SORCS3: variants seen among roughly 807,000 people sequenced by gnomAD.
SORCS3 encodes VPS10 domain-containing receptor SorCS3.
SORCS3 carries 57 observed loss-of-function variants against 146.3 expected under a neutral mutation model. The ratio of observed to expected loss-of-function variants is 0.39; its 90% CI spans 0.31 to 0.49. The LOEUF is 0.49. Among genes scored for constraint, SORCS3 ranks in the 20% least tolerant of loss-of-function variants. The probability of loss-of-function intolerance (pLI) is 0.92; values close to 1 mark genes in which losing one functional copy is unlikely to be tolerated. For synonymous variants in SORCS3, 653 were observed against 618.5 expected (o/e 1.06, Z -0.83); for missense variants, 1,341 against 1,575.5 (o/e 0.85, Z 2.52).
chr10:104,810,998 A>C (rs2017734143), intron 1 of SORCS3, among the ~76,000 whole-genome samples: 1 of 152,224 alleles, frequency 6.6e-6, no homozygotes, highest in African/African-American at 2.4e-5. Flanking sequence ...CTGTATGTAA[A>C]TTTAAAAAAC....
At chr10:104,875,953 A>C (rs577104272) in intron 2 of SORCS3, among the ~76,000 whole-genome samples, 14 of 152,332 alleles carry the variant, frequency 9.2e-5, no homozygotes, top group African/African-American at 3.4e-4. Context: ...TTAAAATAAT[A>C]CAGCCAAACA....
intron 21 of SORCS3, among the ~76,000 whole-genome samples, chr10:105,246,183 A>G (rs1435748003): frequency 2.0e-5 from 3 of 152,206 alleles, no homozygotes; most frequent in Non-Finnish European, 4.4e-5. Context: ...AAGAGGGTGA[A>G]TAGGACTACT....
intron 2 of SORCS3, among the ~76,000 whole-genome samples, chr10:104,904,453 A>G (rs899183103): frequency 6.6e-6 from 1 of 152,176 alleles, no homozygotes; most frequent in African/African-American, 2.4e-5. Flanking sequence ...GAAACAAATA[A>G]TGATACATAC....
At chr10:105,140,621 AG>A (rs1472738678) in intron 8 of SORCS3, among the ~76,000 whole-genome samples, 1 of 152,200 alleles carries the variant, frequency 6.6e-6, no homozygotes, top group Non-Finnish European at 1.5e-5. Flanking sequence ...AGAAAAATAA[AG>A]GAGTTAATTC....
intron 9 of SORCS3, among the ~76,000 whole-genome samples, chr10:105,153,888 G>A (rs1445107734): frequency 6.6e-6 from 1 of 151,748 alleles, no homozygotes; most frequent in African/African-American, 2.4e-5. Context: ...GGCCAACATG[G>A]TGAAACCCCA....
intron 5 of SORCS3, among the ~76,000 whole-genome samples, chr10:105,087,376 C>A (rs997631552): frequency 6.6e-6 from 1 of 151,944 alleles, no homozygotes; most frequent in South Asian, 2.1e-4. Flanking sequence ...AACAAACCTG[C>A]GCATTCTGCA....
intron 7 of SORCS3, among the ~76,000 whole-genome samples, chr10:105,107,156 A>G (rs1720833716): frequency 6.6e-6 from 1 of 152,008 alleles, no homozygotes; most frequent in Non-Finnish European, 1.5e-5. Context: ...TTGTGGCACA[A>G]CCCCCTACCA....
chr10:104,677,946 C>G (rs1246271952), intron 1 of SORCS3, among the ~76,000 whole-genome samples: 3 of 152,080 alleles, frequency 2.0e-5, no homozygotes, highest in African/African-American at 7.2e-5. Context: ...CTCCCTTTTG[C>G]AGTGTTTTAA....
chr10:104,922,682 A>G (rs981109093), intron 3 of SORCS3, among the ~76,000 whole-genome samples: 18 of 152,316 alleles, frequency 1.2e-4, no homozygotes, highest in Admixed American at 9.8e-4. Flanking sequence ...GTGTTTTGAA[A>G]TATTTAGGAG....
intron 2 of SORCS3, among the ~76,000 whole-genome samples, chr10:104,894,876 A>G (rs1228740479): frequency 1.3e-5 from 2 of 152,202 alleles, no homozygotes; most frequent in Non-Finnish European, 2.9e-5. Context: ...TGGAATTGAA[A>G]TGGCAACGGT....
intron 7 of SORCS3, among the ~76,000 whole-genome samples, chr10:105,115,853 G>A (rs1001423543): frequency 1.3e-5 from 2 of 152,284 alleles, no homozygotes; most frequent in East Asian, 3.9e-4. Context: ...GTCTTAATGG[G>A]AGAGATTTTG....
chr10:104,751,047 G>A (rs2133468540), intron 1 of SORCS3, among the ~76,000 whole-genome samples: 1 of 152,250 alleles, frequency 6.6e-6, no homozygotes, highest in East Asian at 1.9e-4. Context: ...ATACAAGAGA[G>A]GGAGAAGCAC....
chr10:104,683,991 A>G (rs1022186806), intron 1 of SORCS3, among the ~76,000 whole-genome samples: 2 of 152,200 alleles, frequency 1.3e-5, no homozygotes. Context: ...GCTCTATAGT[A>G]ACAGAGAATG....
intron 20 of SORCS3, among the ~76,000 whole-genome samples, chr10:105,225,397 T>C (rs547636429): frequency 7.9e-5 from 12 of 152,204 alleles, no homozygotes; most frequent in African/African-American, 9.6e-5. Context: ...ATTACACTTA[T>C]GTGAGTCTAT....
At chr10:105,079,327 A>G (rs1299072229) in intron 5 of SORCS3, among the ~76,000 whole-genome samples, 1 of 152,220 alleles carries the variant, frequency 6.6e-6, no homozygotes, top group East Asian at 1.9e-4. Context: ...AAGTGATACT[A>G]ATATTCAGCC....
At chr10:105,046,700 A>G (rs2055374836) in intron 5 of SORCS3, among the ~76,000 whole-genome samples, 1 of 152,130 alleles carries the variant, frequency 6.6e-6, no homozygotes, top group East Asian at 1.9e-4. Context: ...TATTTTTATG[A>G]ATTCTGGATG....
chr10:104,814,886 A>T (rs1200342734), intron 1 of SORCS3, among the ~76,000 whole-genome samples: 2 of 152,190 alleles, frequency 1.3e-5, no homozygotes, highest in African/African-American at 4.8e-5. Flanking sequence ...ATTATATATT[A>T]CAAATATAAT....
At chr10:104,650,389 G>A (rs1453100377) in intron 1 of SORCS3, among the ~76,000 whole-genome samples, 1 of 152,226 alleles carries the variant, frequency 6.6e-6, no homozygotes, top group Non-Finnish European at 1.5e-5. Flanking sequence ...AGTGAATTGT[G>A]TAGGGGTTGT....
intron 4 of SORCS3, among the ~76,000 whole-genome samples, chr10:104,980,996 T>C (rs1589577647): frequency 6.6e-6 from 1 of 152,166 alleles, no homozygotes; most frequent in South Asian, 2.1e-4. Context: ...AAGGCCTGGG[T>C]GTGGGGAAGA....
Sources: gnomAD v4.1 joint callset for allele counts (sites outside exome capture counted in the v4.1 genomes callset) on GRCh38, gnomAD v4.1.1 for gene constraint, MANE v1.5 for transcripts, NCBI Gene and HGNC (gene_info 2026-07-23, HGNC 2026-07-21) for gene names.